Variants in C5orf24 observed in about 807,000 individuals in gnomAD.
The protein encoded by C5orf24 is chromosome 5 open reading frame 24, also known as UPF0461 protein C5orf24.
In C5orf24, 4 loss-of-function variants were observed where a neutral mutation model predicts 9.8. The observed-to-expected ratio is 0.41, with a 90% CI of 0.20 to 0.93. The LOEUF (loss-of-function observed/expected upper bound fraction) is 0.93, where lower values mean the gene tolerates loss of function less well. Ranked by LOEUF, C5orf24 falls within the 40% of genes least tolerant of loss-of-function variation. C5orf24 has a pLI of 0.33. For missense variants in C5orf24, 170 were observed against 236.9 expected, an observed-to-expected ratio of 0.72 and a Z score of 1.85; for synonymous variants, 73 against 81.3, an observed-to-expected ratio of 0.90 and a Z score of 0.55.
intron 1 of C5orf24, among the ~76,000 whole-genome samples, chr5:134,848,777 A>C (rs192729622): frequency 2.0e-5 from 3 of 150,926 alleles, no homozygotes; most frequent in African/African-American, 7.3e-5. Flanking sequence ...CCTGACTAAC[A>C]TGGTGAAACG....
chr5:134,845,255 G>A (rs3748044), upstream of C5orf24, among the ~76,000 whole-genome samples: 1 of 152,062 alleles, frequency 6.6e-6, no homozygotes, highest in Admixed American at 6.6e-5. Context: ...TCTATGAATT[G>A]TCCATCCTCA....
Position 134,858,868 on chromosome 5 carries a change from A to G in C5orf24, c.*3401A>G, listed in dbSNP as rs112372759. Reference sequence around the variant, plus strand: ...TATTTAGGGACATTTTAAAAAATCAATGTTTTAATTAGACTAAAAATTCTT... The same window carrying G: ...TATTTAGGGACATTTTAAAAAATCAGTGTTTTAATTAGACTAAAAATTCTT... On this transcript the variant is annotated 3_prime_UTR_variant, in exon 2 of 2. Coordinates refer to ENST00000394976, the MANE Select transcript of C5orf24 (RefSeq NM_001135586.1). The G allele has an allele frequency of 0.021, 3,424 of 166,584 alleles. 54 individuals carry two copies. The highest frequency in any genetic ancestry group is 0.034 in the Non-Finnish European group (2,292 of 68,054). The allele number at this position is 166,584 out of a possible 1,614,324, so 10.3% of individuals were successfully genotyped here. A position where few individuals can be genotyped will look rare whatever the true frequency, so the allele number is the denominator to read the frequency against.
At chr5:134,852,753 C>G (rs897671756) in intron 1 of C5orf24, among the ~76,000 whole-genome samples, 1 of 152,186 alleles carries the variant, frequency 6.6e-6, no homozygotes, top group Non-Finnish European at 1.5e-5. Flanking sequence ...ACTGTCATTT[C>G]CAGCCAGGCA....
At chr5:134,850,016 G>A (rs1039293082) in intron 1 of C5orf24, among the ~76,000 whole-genome samples, 1 of 152,086 alleles carries the variant, frequency 6.6e-6, no homozygotes, top group African/African-American at 2.4e-5. Context: ...GTCAATTTGT[G>A]CTTAGAATAG....
At position 134,847,767 on chromosome 5, in the gene C5orf24, C is replaced by T. The variant is rs555595345; in HGVS notation, c.-4+1555C>T. 4.7e-5 allele frequency among the ~76,000 whole-genome samples: 7 copies of T among 150,006 alleles called. No homozygotes were observed. The East Asian group carries it at 1.2e-3, about 26-fold the overall frequency. On this transcript the variant is annotated intron_variant, in intron 1 of 1. Coordinates refer to ENST00000394976, the MANE Select transcript of C5orf24 (RefSeq NM_001135586.1). The stretch of plus-strand genomic sequence containing the variant: ...CTAGGCTGGAGTACAGTGGCACGAA[C>T]TCGGCTCACTGCAACCTCCGCCTTT...
rs1026654426 is a variant in C5orf24, at chr5:134,856,938, T to C, written c.*1471T>C. On this transcript the variant is annotated 3_prime_UTR_variant, in exon 2 of 2. Transcript: ENST00000394976. ...TTGGTTAGTTTAATTAAAAATCTTA[T>C]TGTGGGTCCAGTGAGACCATCTCAT... is the stretch of plus-strand genomic sequence containing the variant. 41 of 1,002,278 alleles carry C rather than the reference T, an allele frequency of 4.1e-5. No individual in the cohort carries two copies. Among genetic ancestry groups the C allele is most frequent in the Non-Finnish European group, 4.6e-5 (38 of 831,544 alleles). The allele number at this position is 1,002,278 out of a possible 1,614,324, so 62.1% of individuals were successfully genotyped here.
intron 1 of C5orf24, among the ~76,000 whole-genome samples, chr5:134,849,393 G>A (rs886961113): frequency 6.6e-6 from 1 of 152,162 alleles, no homozygotes; most frequent in Admixed American, 6.6e-5. Context: ...TATAGTGATG[G>A]TTATGCACAT....
chr5:134,843,755 A>T (rs148955080), upstream of C5orf24, among the ~76,000 whole-genome samples: 1,489 of 152,308 alleles, frequency 9.8e-3, 22 homozygotes, highest in Non-Finnish European at 0.016. Flanking sequence ...GGGTTTCACC[A>T]TGTTGGCCAG....
intron 1 of C5orf24, among the ~76,000 whole-genome samples, chr5:134,853,377 A>AC (rs1561887441): frequency 1.3e-5 from 2 of 150,840 alleles, no homozygotes; most frequent in East Asian, 3.9e-4. Flanking sequence ...AAAAAAAAAA[A>AC]AAACCTGTCA....
chr5:134,857,353 T>G lies in C5orf24; in HGVS notation c.*1886T>G, dbSNP rs78987868. The G allele has an allele frequency of 0.011, 17,563 of 1,547,080 alleles. 249 individuals carry two copies. The highest frequency in any genetic ancestry group is 0.058 in the African/African-American group (4,236 of 73,092). ...GATGTCATGTTTCATACCTTTTTTA[T>G]CAGGAAAAAAGCAGCAAGCCTTCAG... On this transcript the variant is annotated 3_prime_UTR_variant, in exon 2 of 2. Coordinates refer to ENST00000394976, the MANE Select transcript of C5orf24 (RefSeq NM_001135586.1).
intron 1 of C5orf24, among the ~76,000 whole-genome samples, chr5:134,849,788 G>A (rs546009840): frequency 6.6e-6 from 1 of 150,960 alleles, no homozygotes; most frequent in Non-Finnish European, 1.5e-5. Context: ...CTTCCGAGTA[G>A]CTGGGATTAC....
In C5orf24 at chr5:134,855,723, T is replaced by TA; in HGVS notation, c.*257dup. 1 of 1,354,010 alleles carries TA rather than the reference T, an allele frequency of 7.4e-7. No individual in the cohort carries two copies. The highest frequency in any genetic ancestry group is 9.5e-7 in the Non-Finnish European group (1 of 1,048,576). The allele number at this position is 1,354,010 out of a possible 1,614,324, so 83.9% of individuals were successfully genotyped here. ...ATCATTTTTCCTTTTCCTTTAGAGT[T>TA]ATGGTCATGTCTCATGTTTCATTAC... On this transcript the variant is annotated 3_prime_UTR_variant, in exon 2 of 2. Coordinates refer to ENST00000394976, the MANE Select transcript of C5orf24 (RefSeq NM_001135586.1).
At chr5:134,836,168 CTT>C in the C5orf24 span, among the ~76,000 whole-genome samples, 2 of 86,428 alleles carry the variant, frequency 2.3e-5, no homozygotes, top group Middle Eastern at 0.01. Flanking sequence ...CATTGAGAAG[CTT>C]TTTTTTTTTT....
chr5:134,847,358 C>T (rs1434488977), intron 1 of C5orf24, among the ~76,000 whole-genome samples: 2 of 152,178 alleles, frequency 1.3e-5, no homozygotes, highest in African/African-American at 4.8e-5. Context: ...TACAGTGGCG[C>T]GATCGCGGCT....
chr5:134,852,699 A>C (rs980413627), intron 1 of C5orf24, among the ~76,000 whole-genome samples: 3 of 152,190 alleles, frequency 2.0e-5, no homozygotes, highest in African/African-American at 4.8e-5. Context: ...CCATATCTTT[A>C]TCTCTTTTAC....
rs967748951 is a variant in C5orf24, at chr5:134,855,830, A to T, written c.*363A>T. ...ACCTATTAGTTTGTGAAGTAAGCCT[A>T]CAGTATAATAAAGACACTAACGTAT... On this transcript the variant is annotated 3_prime_UTR_variant, in exon 2 of 2. Transcript: ENST00000394976. 1 of 1,098,190 alleles carries T rather than the reference A, an allele frequency of 9.1e-7. No individual in the cohort carries two copies. The highest frequency in any genetic ancestry group is 1.7e-5 in the African/African-American group (1 of 58,508). The allele number at this position is 1,098,190 out of a possible 1,614,324, so 68.0% of individuals were successfully genotyped here. A position where few individuals can be genotyped will look rare whatever the true frequency, so the allele number is the denominator to read the frequency against.
intron 1 of C5orf24, among the ~76,000 whole-genome samples, chr5:134,854,085 T>A (rs952978312): frequency 4.6e-5 from 7 of 152,108 alleles, no homozygotes; most frequent in South Asian, 4.1e-4. Context: ...ATCTCAAAAA[T>A]TTTTTTAAAA....
Position 134,856,910 on chromosome 5 carries a change from A to G in C5orf24, c.*1443A>G. The stretch of plus-strand genomic sequence containing the variant: ...TCTATGCATGAAACATGTAAAAAAT[A>G]TGTTGGTTAGTTTAATTAAAAATCT... On this transcript the variant is annotated 3_prime_UTR_variant, in exon 2 of 2. Transcript: ENST00000394976. 1.0e-6 allele frequency: 1 copy of G among 1,001,482 alleles called. No homozygotes were observed. The allele number at this position is 1,001,482 out of a possible 1,614,324, so 62.0% of individuals were successfully genotyped here. A position where few individuals can be genotyped will look rare whatever the true frequency, so the allele number is the denominator to read the frequency against.
intron 1 of C5orf24, among the ~76,000 whole-genome samples, chr5:134,847,305 G>GT (rs970556480): frequency 1.1e-4 from 16 of 151,928 alleles, no homozygotes; most frequent in Middle Eastern, 3.4e-3. Context: ...TGTTTGTTTT[G>GT]TTTTTTTTGA....
Sources: gnomAD v4.1 joint callset for allele counts (sites outside exome capture counted in the v4.1 genomes callset) on GRCh38, gnomAD v4.1.1 for gene constraint, MANE v1.5 for transcripts, NCBI Gene and HGNC (gene_info 2026-07-23, HGNC 2026-07-21) for gene names.